The following LTBP4 variants were observed in gnomAD, a reference collection of about 807,000 sequenced individuals.
LTBP4 encodes the protein latent-transforming growth factor beta-binding protein 4.
Under a neutral mutation model 180.2 loss-of-function variants are expected in LTBP4, and 93 were observed. The observed-to-expected ratio is 0.52, with a 90% CI of 0.44 to 0.61. The LOEUF is 0.61. Among genes scored for constraint, LTBP4 ranks in the 20% least tolerant of loss-of-function variants. The pLI, the probability that LTBP4 is intolerant of heterozygous loss-of-function variation, is 0.00. For synonymous variants in LTBP4, 947 were observed against 934.5 expected, an observed-to-expected ratio of 1.01 and a Z score of -0.24; for missense variants, 2,116 against 2,256.5, an observed-to-expected ratio of 0.94 and a Z score of 1.26.
At chr19:40,600,392 G>A (rs979867469), upstream of LTBP4, among the ~76,000 whole-genome samples, 6 of 152,218 alleles carry the variant, frequency 3.9e-5, no homozygotes, top group East Asian at 1.2e-3. This position sits in a 1 kb window ranked among gnomAD's most constrained non-coding sequence, Gnocchi z 4.4. Context: ...TGACCCGCGG[G>A]GGTGGGGCCG....
upstream of LTBP4, chr19:40,597,268 C>A: frequency 6.6e-7 from 1 of 1,514,558 alleles, no homozygotes; most frequent in Non-Finnish European, 8.8e-7. Flanking sequence ...CCGCCGCCCC[C>A]TCCTGCTGGT....
intron 27 of LTBP4, 59 bp downstream of exon 27, chr19:40,626,068 G>A: frequency 6.7e-7 from 1 of 1,503,304 alleles, no homozygotes; most frequent in Non-Finnish European, 8.8e-7. Context: ...CCAAATCTAG[G>A]CCCTCAGATC....
intron 26 of LTBP4, among the ~76,000 whole-genome samples, chr19:40,625,386 C>A (rs1266111225): frequency 1.4e-5 from 2 of 145,020 alleles, no homozygotes. Context: ...CTCAAGCAAC[C>A]CCCCCACCTC....
At chr19:40,624,134 C>A in intron 26 of LTBP4, 52 bp downstream of exon 26, 1 of 1,471,576 alleles carries the variant, frequency 6.8e-7, no homozygotes, top group South Asian at 1.3e-5. Context: ...CGGCCTCACA[C>A]CCGCACCCGG....
chr19:40,593,857 G>T (rs1000947948), intron 1 of LTBP4, among the ~76,000 whole-genome samples: 1 of 151,932 alleles, frequency 6.6e-6, no homozygotes, highest in East Asian at 1.9e-4. Flanking sequence ...GCAGTGGTGT[G>T]ATCTCAGCTC....
upstream of LTBP4, chr19:40,599,224 C>T: frequency 8.7e-6 from 14 of 1,612,620 alleles, no homozygotes; most frequent in Non-Finnish European, 1.2e-5. Flanking sequence ...GCTGCCCGGG[C>T]CAGACGTCTA....
At chr19:40,595,312 G>A (rs1354286991) in intron 1 of LTBP4, among the ~76,000 whole-genome samples, 3 of 152,086 alleles carry the variant, frequency 2.0e-5, no homozygotes, top group African/African-American at 7.2e-5. Flanking sequence ...AATTTATAAT[G>A]ATCTTCTCAA....
Position 40,622,805 on chromosome 19 carries a change from C to A in LTBP4, c.3484+138C>A, listed in dbSNP as rs1263609043. The A allele has an allele frequency of 1.4e-6, 2 of 1,399,910 alleles. No homozygotes were observed. Among genetic ancestry groups the A allele is most frequent in the Admixed American group, 2.2e-5 (1 of 45,338 alleles). The allele number at this position is 1,399,910 out of a possible 1,614,324, so 86.7% of individuals were successfully genotyped here. A position where few individuals can be genotyped will look rare whatever the true frequency, so the allele number is the denominator to read the frequency against. ...GTCAGGGCAAGGGCGAGCTGCCAGGCAGGTGGGCATGGGCAGACATAAGGC... is the reference window on the plus strand; with the variant it reads ...GTCAGGGCAAGGGCGAGCTGCCAGGAAGGTGGGCATGGGCAGACATAAGGC... On this transcript the variant is annotated intron_variant, in intron 23 of 29. Coordinates refer to ENST00000396819, the MANE Select transcript of LTBP4 (RefSeq NM_001042545.2). The surrounding 1 kb of genome is among the most constrained non-coding windows in gnomAD (Gnocchi z 5.1).
At chr19:40,600,085 C>G, upstream of LTBP4, 2 of 1,264,164 alleles carry the variant, frequency 1.6e-6, no homozygotes. The surrounding 1 kb of genome is among the most constrained non-coding windows in gnomAD (Gnocchi z 4.4). Flanking sequence ...GAGGCCAGAG[C>G]TCTACTGAAG....
At chr19:40,606,067 C>T (rs1439237181) in intron 4 of LTBP4, among the ~76,000 whole-genome samples, 166 bp from the exon 5 acceptor site, 1 of 152,220 alleles carries the variant, frequency 6.6e-6, no homozygotes, top group African/African-American at 2.4e-5. Flanking sequence ...CCACCATATA[C>T]TTTGGGAGTC....
At chr19:40,593,316 C>T in intron 1 of LTBP4, 2 of 970,422 alleles carry the variant, frequency 2.1e-6, no homozygotes, top group Admixed American at 2.1e-5. Context: ...AATCATGGCT[C>T]ACTGCAGCCT....
intron 11 of LTBP4, 96 bp from the exon 12 acceptor site, chr19:40,610,436 T>C: frequency 2.1e-6 from 3 of 1,437,920 alleles, no homozygotes; most frequent in South Asian, 1.3e-5. Context: ...TGGCCCAAGC[T>C]TGGTCCCGCT....
rs1183439768 is a variant in LTBP4, at chr19:40,610,690, T to C, written c.1810+33T>C. On this transcript the variant is annotated intron_variant, in intron 12 of 29. Transcript: ENST00000396819. Reference sequence around the variant, plus strand: ...CCTGGGAGGGGCAGCTGGGAAGGGGTGTGAGCGGTTGGGTAGAGCGCAGTG... The same window carrying C: ...CCTGGGAGGGGCAGCTGGGAAGGGGCGTGAGCGGTTGGGTAGAGCGCAGTG... 13 of 1,558,492 alleles carry C rather than the reference T, an allele frequency of 8.3e-6. No individual in the cohort carries two copies. The African/African-American group carries it at 1.5e-4, about 18-fold the overall frequency.
Position 40,620,293 on chromosome 19 carries a change from C to T in LTBP4, c.3217+800C>T, listed in dbSNP as rs1166827114. On this transcript the variant is annotated intron_variant, in intron 22 of 29. Transcript: ENST00000396819. ...TCGTACTTTCACCCAGGCCGGAGTG[C>T]AGTGGCGTGATCTCAGCTCACTGCA... Among the ~76,000 whole-genome samples the T allele has an allele frequency of 2.7e-5, 4 of 150,682 alleles. No homozygotes were observed. The South Asian group carries it at 8.5e-4, about 32-fold the overall frequency.
In LTBP4 at chr19:40,608,471, C is replaced by G. The variant is rs756323336; in HGVS notation, c.1307-13C>G. Reference sequence around the variant, plus strand: ...GATTTGGGCTCCACTCGTTGATACCCCTTCTTTATCAGGCTTTCTGCCCAC... The same window carrying G: ...GATTTGGGCTCCACTCGTTGATACCGCTTCTTTATCAGGCTTTCTGCCCAC... On this transcript the variant is annotated splice_polypyrimidine_tract_variant and intron_variant, in intron 8 of 29. Transcript: ENST00000396819. The G allele has an allele frequency of 1.3e-6, 2 of 1,597,402 alleles. No individual in the cohort carries two copies. Among genetic ancestry groups the G allele is most frequent in the South Asian group, 2.3e-5 (2 of 88,534 alleles).
At position 40,614,423 on chromosome 19, in the gene LTBP4, C is replaced by A. The variant is rs1371569512; in HGVS notation, c.2789C>A (p.Ala930Glu). 1.3e-6 allele frequency: 2 copies of A among 1,599,288 alleles called. No homozygotes were observed. The highest frequency in any genetic ancestry group is 1.7e-6 in the Non-Finnish European group (2 of 1,179,700). The change falls in exon 19 of 30, where the codon GCG becomes GAG. Residue 930 changes from alanine (A) to glutamate (E), a missense_variant. Physicochemically the swap from Ala to Glu is moderately radical, Grantham distance 107 (BLOSUM62 -1). Coordinates refer to ENST00000396819, the MANE Select transcript of LTBP4 (RefSeq NM_001042545.2). ...CGGGACTGCGATCCTGGGTACCACG[C>A]GGGCCCCGAGGGCACCTGTGACGGT... is the stretch of plus-strand genomic sequence containing the variant. ...CVRDCDPGYHAGPEGTCDDVD... is the reference protein window; with the variant it reads ...CVRDCDPGYHEGPEGTCDDVD...
Position 40,601,643 on chromosome 19 carries a change from T to C in LTBP4, c.250+6T>C. The C allele has an allele frequency of 7.4e-7, 1 of 1,354,464 alleles. No homozygotes were observed. The highest frequency in any genetic ancestry group is 9.4e-7 in the Non-Finnish European group (1 of 1,058,948). 83.9% of individuals were successfully genotyped at this position (1,354,464 alleles called of 1,614,324 possible). ...GGGACCCGGCTTCCGCGCCTGTGAG[T>C]GCGGGGTGGTGGTCCCGAGAGAGCG... On this transcript the variant is annotated splice_donor_region_variant and intron_variant, in intron 1 of 29. Transcript: ENST00000396819.
At chr19:40,616,235 A>T (rs1317334779) in intron 19 of LTBP4, among the ~76,000 whole-genome samples, 1 of 151,340 alleles carries the variant, frequency 6.6e-6, no homozygotes, top group Non-Finnish European at 1.5e-5. Flanking sequence ...TTGAAGCTCC[A>T]GTGAGCCATG....
chr19:40,594,003 AGGCTG>A, intron 1 of LTBP4, among the ~76,000 whole-genome samples: 2 of 150,512 alleles, frequency 1.3e-5, no homozygotes, highest in Admixed American at 1.3e-4. Context: ...TGTGTTGGCC[AGGCTG>A]GCCTGAAACT....
Sources: gnomAD v4.1 joint callset for allele counts (sites outside exome capture counted in the v4.1 genomes callset) on GRCh38, gnomAD v4.1.1 for gene constraint, Gnocchi (gnomAD v3.1) non-coding constraint, MANE v1.5 for transcripts, NCBI Gene and HGNC (gene_info 2026-07-23, HGNC 2026-07-21) for gene names.